The following ILRUN variants were observed in gnomAD, a reference collection of about 807,000 sequenced individuals.
The protein encoded by ILRUN is inflammation and lipid regulator with UBA-like and NBR1-like domains, also known as protein ILRUN.
A neutral mutation model predicts 33.8 loss-of-function variants in ILRUN; 3 were observed. The observed-to-expected ratio is 0.09, with a 90% confidence interval of 0.04 to 0.23. The LOEUF (loss-of-function observed/expected upper bound fraction) is 0.23. ILRUN is among the 10% of genes least tolerant of loss of function. The pLI is 1.00. For missense variants in ILRUN, 210 were observed against 375.1 expected, an observed-to-expected ratio of 0.56 and a Z score of 3.64; for synonymous variants, 124 against 138.9, an observed-to-expected ratio of 0.89 and a Z score of 0.75.
At chr6:34,669,397 G>C (rs752905500) in intron 1 of ILRUN, among the ~76,000 whole-genome samples, 6 of 151,124 alleles carry the variant, frequency 4.0e-5, no homozygotes, top group Non-Finnish European at 4.4e-5. Context: ...CCAAAGCGCT[G>C]GGATTAAAGG....
At chr6:34,676,497 GAT>G (rs1263936415) in intron 1 of ILRUN, among the ~76,000 whole-genome samples, 10 of 151,466 alleles carry the variant, frequency 6.6e-5, no homozygotes, top group African/African-American at 1.7e-4. Flanking sequence ...GATATGCAAA[GAT>G]AGAGAGAGAG....
chr6:34,640,853 G>T (rs1388649617), intron 3 of ILRUN, among the ~76,000 whole-genome samples: 1 of 151,994 alleles, frequency 6.6e-6, no homozygotes, highest in African/African-American at 2.4e-5. Flanking sequence ...GGCTGAGGCA[G>T]GTGGATCACG....
At chr6:34,659,285 A>G (rs1762840317) in intron 1 of ILRUN, among the ~76,000 whole-genome samples, 1 of 152,242 alleles carries the variant, frequency 6.6e-6, no homozygotes. Flanking sequence ...AGAATTTGGT[A>G]ACACTGACAT....
intron 1 of ILRUN, among the ~76,000 whole-genome samples, chr6:34,656,213 G>A (rs1248639402): frequency 2.1e-5 from 3 of 141,688 alleles, no homozygotes; most frequent in Non-Finnish European, 4.5e-5. Flanking sequence ...TCCAGCCCAG[G>A]CAACAGTGCC....
intron 1 of ILRUN, among the ~76,000 whole-genome samples, chr6:34,683,972 G>C (rs1763462848): frequency 6.6e-6 from 1 of 151,940 alleles, no homozygotes; most frequent in Non-Finnish European, 1.5e-5. Flanking sequence ...GCTGAGGTGG[G>C]AGGATCACTT....
At chr6:34,601,029 T>C (rs1049734482) in intron 4 of ILRUN, among the ~76,000 whole-genome samples, 1 of 152,216 alleles carries the variant, frequency 6.6e-6, no homozygotes, top group Admixed American at 6.5e-5. Context: ...ACAATACTTT[T>C]ATCATGGTAC....
intron 1 of ILRUN, among the ~76,000 whole-genome samples, chr6:34,662,468 G>A (rs6937428): frequency 0.16 from 24,130 of 152,086 alleles, 2,527 homozygotes; most frequent in African/African-American, 0.29. Flanking sequence ...TTATTCATAA[G>A]AGTCAAATGG....
At chr6:34,642,850 A>AT (rs1762499871) in intron 3 of ILRUN, among the ~76,000 whole-genome samples, 1 of 144,998 alleles carries the variant, frequency 6.9e-6, no homozygotes, top group African/African-American at 2.6e-5. Context: ...AAAAAAAAAA[A>AT]GGCATGATGG....
intron 1 of ILRUN, among the ~76,000 whole-genome samples, chr6:34,689,059 G>A (rs775008982): frequency 5.9e-5 from 9 of 152,130 alleles, no homozygotes; most frequent in Admixed American, 1.3e-4. Flanking sequence ...CCTTTACACC[G>A]GCTTAATGGG....
At chr6:34,670,247 T>C (rs1472414934) in intron 1 of ILRUN, among the ~76,000 whole-genome samples, 1 of 151,992 alleles carries the variant, frequency 6.6e-6, no homozygotes, top group Non-Finnish European at 1.5e-5. Context: ...AAAAGATTAG[T>C]GGTTGCCCAA....
intron 1 of ILRUN, among the ~76,000 whole-genome samples, chr6:34,681,786 T>A (rs990259015): frequency 6.6e-6 from 1 of 151,458 alleles, no homozygotes; most frequent in African/African-American, 2.4e-5. Flanking sequence ...TGGGTAAGAA[T>A]TTGTTGCTTA....
intron 1 of ILRUN, among the ~76,000 whole-genome samples, chr6:34,660,651 T>C (rs1212136683): frequency 1.3e-5 from 2 of 151,894 alleles, no homozygotes; most frequent in Non-Finnish European, 2.9e-5. Flanking sequence ...TTACTATCTC[T>C]GAATGACCAA....
At position 34,590,539 on chromosome 6, in the gene ILRUN, T is replaced by C. The variant is rs370971261; in HGVS notation, c.*26A>G. 74 of 1,613,836 alleles carry C rather than the reference T, an allele frequency of 4.6e-5. No individual in the cohort carries two copies. The African/African-American group carries it at 9.2e-4, about 20-fold the overall frequency. The stretch of plus-strand genomic sequence containing the variant: ...CAAAGTCAGGCCTTCTGTCTTTTGT[T>C]AATTTTTCTTCTTGCTGACACCCGT... On this transcript the variant is annotated 3_prime_UTR_variant, in exon 5 of 5. Coordinates refer to ENST00000374023, the MANE Select transcript of ILRUN (RefSeq NM_024294.4).
At chr6:34,661,488 A>C (rs1762885352) in intron 1 of ILRUN, among the ~76,000 whole-genome samples, 1 of 152,138 alleles carries the variant, frequency 6.6e-6, no homozygotes, top group Non-Finnish European at 1.5e-5. Context: ...GGAACTAAGA[A>C]AGTTTCTCTC....
At chr6:34,657,064 A>G (rs927903026) in intron 1 of ILRUN, among the ~76,000 whole-genome samples, 2 of 152,242 alleles carry the variant, frequency 1.3e-5, no homozygotes, top group African/African-American at 4.8e-5. Flanking sequence ...GCTTAGAAGT[A>G]TATCTGGAAT....
intron 1 of ILRUN, among the ~76,000 whole-genome samples, chr6:34,673,436 A>G (rs1763157013): frequency 6.6e-6 from 1 of 150,932 alleles, no homozygotes; most frequent in Admixed American, 6.6e-5. Flanking sequence ...TGAGGATAGT[A>G]AAAAAAAAGA....
chr6:34,609,901 G>GT (rs1456583563), intron 3 of ILRUN, among the ~76,000 whole-genome samples: 1 of 152,160 alleles, frequency 6.6e-6, no homozygotes, highest in Non-Finnish European at 1.5e-5. Context: ...GCTCATGCCT[G>GT]TAATCCCAGC....
At chr6:34,671,797 G>T (rs1208844831) in intron 1 of ILRUN, 1 of 152,182 alleles carries the variant, frequency 6.6e-6, no homozygotes, top group Non-Finnish European at 1.5e-5. Context: ...TTAATTAAGG[G>T]AACTGGGAAG....
In ILRUN at chr6:34,696,635, T is replaced by A. The variant is rs766621066; in HGVS notation, c.-32A>T. On this transcript the variant is annotated 5_prime_UTR_variant, in exon 1 of 5. In the 5' UTR this introduces an upstream ATG that the reference lacks. Transcript: ENST00000374023. The stretch of plus-strand genomic sequence containing the variant: ...GACCGGACACCCGCTTCCCCGCCTC[T>A]TCACAACCAAGCCGCCGCCGCGCCG... 1.9e-6 allele frequency: 3 copies of A among 1,585,800 alleles called. No individual in the cohort carries two copies. Among genetic ancestry groups the A allele is most frequent in the Non-Finnish European group, 2.6e-6 (3 of 1,168,988 alleles).
Sources: gnomAD v4.1 joint callset for allele counts (sites outside exome capture counted in the v4.1 genomes callset) on GRCh38, gnomAD v4.1.1 for gene constraint, MANE v1.5 for transcripts, NCBI Gene and HGNC (gene_info 2026-07-23, HGNC 2026-07-21) for gene names.